The following CACNG2 variants were observed in gnomAD, a reference collection of about 807,000 sequenced individuals.
CACNG2 encodes voltage-dependent calcium channel gamma-2 subunit.
CACNG2 carries 3 observed loss-of-function variants against 25.9 expected under a neutral mutation model. The observed-to-expected ratio is 0.12, with a 90% CI of 0.05 to 0.30. CACNG2 has a LOEUF of 0.30. Ranked by LOEUF, CACNG2 falls within the 10% of genes least tolerant of loss-of-function variation. The pLI is 1.00. For missense variants in CACNG2, 341 were observed against 432.5 expected, an observed-to-expected ratio of 0.79 and a Z score of 1.88; for synonymous variants, 167 against 173.3, an observed-to-expected ratio of 0.96 and a Z score of 0.29.
chr22:36,609,532 G>A (rs112213986), intron 1 of CACNG2, among the ~76,000 whole-genome samples: 3,756 of 138,264 alleles, frequency 0.027, 96 homozygotes, highest in Middle Eastern at 0.067. Flanking sequence ...GATCGGGCAG[G>A]AATCAGCCCC....
rs1371410713 is a variant in CACNG2, at chr22:36,562,614, A to G, written c.*1737T>C. ...CCATGGCTTTGGAGGGCATGAGTCA[A>G]TTTCCTTTGAGCCACGCCCCTGGCC... On this transcript the variant is annotated 3_prime_UTR_variant, in exon 4 of 4. Transcript: ENST00000300105. The G allele has an allele frequency of 1.3e-5, 2 of 152,174 alleles. No individual in the cohort carries two copies. Among genetic ancestry groups the G allele is most frequent in the Non-Finnish European group, 2.9e-5 (2 of 68,070 alleles). The allele number at this position is 152,174 out of a possible 1,614,324, so 9.4% of individuals were successfully genotyped here.
At position 36,572,304 on chromosome 22, in the gene CACNG2, A is replaced by G. The variant is rs1935245650; in HGVS notation, c.296-5811T>C. Among the ~76,000 whole-genome samples the G allele has an allele frequency of 5.3e-5, 8 of 152,184 alleles. No individual in the cohort carries two copies. In the South Asian group the frequency reaches 1.7e-3, roughly 31 times the overall value. ...CTGACACTGGCAAACTTGTTCTGTGAAGGGAAAGACAGCAAATATTTTCAT... is the reference window on the plus strand; with the variant it reads ...CTGACACTGGCAAACTTGTTCTGTGGAGGGAAAGACAGCAAATATTTTCAT... On this transcript the variant is annotated intron_variant, in intron 2 of 3. Transcript: ENST00000300105.
intron 1 of CACNG2, among the ~76,000 whole-genome samples, chr22:36,643,089 TTCTC>T (rs987442794): frequency 3.4e-4 from 51 of 149,974 alleles, no homozygotes; most frequent in African/African-American, 1.2e-3. Flanking sequence ...CATTCCTTCT[TTCTC>T]TCTTTCTCTT....
chr22:36,666,672 G>C (rs554529280), intron 1 of CACNG2, among the ~76,000 whole-genome samples: 68 of 151,854 alleles, frequency 4.5e-4, no homozygotes, highest in Non-Finnish European at 8.5e-4. Flanking sequence ...GATAGTAAAG[G>C]CTATGTTATG....
rs888313128 is a variant in CACNG2, at chr22:36,580,241, T to A, written c.295+7224A>T. Among the ~76,000 whole-genome samples the A allele has an allele frequency of 3.9e-5, 6 of 152,192 alleles. No homozygotes were observed. In the East Asian group the frequency reaches 1.2e-3, roughly 29 times the overall value. Reference sequence around the variant, plus strand: ...TGCCAAAGCCTGCCTCCCACTGGTGTCCAAGTTCTGTAAATTCACCCCCCA... The same window carrying A: ...TGCCAAAGCCTGCCTCCCACTGGTGACCAAGTTCTGTAAATTCACCCCCCA... On this transcript the variant is annotated intron_variant, in intron 2 of 3. Transcript: ENST00000300105.
At chr22:36,675,133 C>T (rs1937004241) in intron 1 of CACNG2, among the ~76,000 whole-genome samples, 2 of 152,174 alleles carry the variant, frequency 1.3e-5, no homozygotes, top group East Asian at 1.9e-4. Context: ...ACCTCTCAGG[C>T]TCAGGTGATC....
chr22:36,622,783 AC>A (rs1936124852), intron 1 of CACNG2, among the ~76,000 whole-genome samples: 1 of 151,884 alleles, frequency 6.6e-6, no homozygotes, highest in African/African-American at 2.4e-5. Flanking sequence ...ACATGGAGAA[AC>A]CCCGTCTCTA....
intron 1 of CACNG2, among the ~76,000 whole-genome samples, chr22:36,645,892 T>C (rs978622315): frequency 6.6e-6 from 1 of 152,228 alleles, no homozygotes; most frequent in Non-Finnish European, 1.5e-5. Flanking sequence ...GTCAAATGCA[T>C]ATTTTAATAT....
At chr22:36,603,597 G>A (rs1935786594) in intron 1 of CACNG2, among the ~76,000 whole-genome samples, 1 of 152,186 alleles carries the variant, frequency 6.6e-6, no homozygotes, top group Admixed American at 6.5e-5. Context: ...AATGCAACTG[G>A]TGACTTTAAG....
At chr22:36,585,534 T>A (rs1307076583) in intron 2 of CACNG2, 19 of 152,234 alleles carry the variant, frequency 1.2e-4, no homozygotes, top group Admixed American at 1.2e-3. Flanking sequence ...TGCCTGGTTG[T>A]GTAAATCAAG....
intron 1 of CACNG2, among the ~76,000 whole-genome samples, chr22:36,638,874 G>T (rs1010945334): frequency 6.6e-6 from 1 of 152,184 alleles, no homozygotes; most frequent in African/African-American, 2.4e-5. Context: ...CTCTGCAAAT[G>T]TAAGTGCATG....
chr22:36,572,617 G>A (rs188538528), intron 2 of CACNG2, among the ~76,000 whole-genome samples: 44 of 151,850 alleles, frequency 2.9e-4, no homozygotes, highest in Middle Eastern at 3.4e-3. Flanking sequence ...CAGGAGAATC[G>A]TTTGAACCCA....
chr22:36,670,535 A>G (rs950102988), intron 1 of CACNG2, among the ~76,000 whole-genome samples: 3 of 152,198 alleles, frequency 2.0e-5, no homozygotes, highest in African/African-American at 2.4e-5. Context: ...TAAAATGTAT[A>G]TAACACTGCA....
rs547243414 is a variant in CACNG2 at position 36,666,054 on chromosome 22, C to T, written c.211+36312G>A. Among the ~76,000 whole-genome samples, 5 of 152,284 alleles carry T rather than the reference C, an allele frequency of 3.3e-5. No homozygotes were observed. The South Asian group carries it at 6.2e-4, about 19-fold the overall frequency. On this transcript the variant is annotated intron_variant, in intron 1 of 3. Transcript: ENST00000300105. ...TCAGCCTTCAAAAGGAAGGCTGTTACGTGCTACACCATGGATGAAACTTGA... is the reference window on the plus strand; with the variant it reads ...TCAGCCTTCAAAAGGAAGGCTGTTATGTGCTACACCATGGATGAAACTTGA...
intron 1 of CACNG2, among the ~76,000 whole-genome samples, chr22:36,604,171 G>C (rs1440091562): frequency 6.6e-6 from 1 of 152,224 alleles, no homozygotes; most frequent in African/African-American, 2.4e-5. Flanking sequence ...AGAAGAGGAA[G>C]TAATTCAGAT....
At chr22:36,683,055 G>A (rs144368591) in intron 1 of CACNG2, among the ~76,000 whole-genome samples, 4 of 152,204 alleles carry the variant, frequency 2.6e-5, no homozygotes, top group Admixed American at 1.3e-4. Flanking sequence ...TGATCGCTCC[G>A]GGCCCTCCAA....
rs769435765 is a variant in CACNG2 at position 36,666,931 on chromosome 22, TTCTC to T, written c.211+35431_211+35434del. ...CATTCCAGGCCTTGCTCTTCTTTCT[TTCTC>T]TGCAAGAACTGCTTCCCCGCCACCC... On this transcript the variant is annotated intron_variant, in intron 1 of 3. Transcript: ENST00000300105. Among the ~76,000 whole-genome samples, 10 of 151,814 alleles carry T rather than the reference TTCTC, an allele frequency of 6.6e-5. 1 individual carries two copies. Among genetic ancestry groups the T allele is most frequent in the South Asian group, 6.3e-4 (3 of 4,792 alleles).
chr22:36,604,171 G>A (rs1440091562), intron 1 of CACNG2, among the ~76,000 whole-genome samples: 1 of 152,224 alleles, frequency 6.6e-6, no homozygotes. Flanking sequence ...AGAAGAGGAA[G>A]TAATTCAGAT....
At chr22:36,583,301 C>T (rs1302526619) in intron 2 of CACNG2, among the ~76,000 whole-genome samples, 3 of 151,878 alleles carry the variant, frequency 2.0e-5, no homozygotes, top group African/African-American at 4.8e-5. Context: ...GATGTGGTGG[C>T]GGGTGCCTGT....
Sources: gnomAD v4.1 joint callset for allele counts (sites outside exome capture counted in the v4.1 genomes callset) on GRCh38, gnomAD v4.1.1 for gene constraint, MANE v1.5 for transcripts, NCBI Gene and HGNC (gene_info 2026-07-23, HGNC 2026-07-21) for gene names.